GPBP1L1: variants seen among roughly 807,000 people sequenced by gnomAD.
GPBP1L1 encodes the protein vasculin-like protein 1.
A neutral mutation model predicts 52.5 loss-of-function variants in GPBP1L1; 23 were observed. The observed-to-expected ratio is 0.44, with a 90% CI of 0.32 to 0.62. The LOEUF (loss-of-function observed/expected upper bound fraction) is 0.62, where lower values mean the gene tolerates loss of function less well. GPBP1L1 is among the 20% of genes least tolerant of loss of function. GPBP1L1 has a pLI of 0.06. For missense variants in GPBP1L1, 596 were observed against 579.3 expected (o/e 1.03, Z -0.30); for synonymous variants, 243 against 203.1 (o/e 1.20, Z -1.67).
chr1:45,663,613 T>TG (rs1483686585), intron 2 of GPBP1L1, among the ~76,000 whole-genome samples: 1 of 152,110 alleles, frequency 6.6e-6, no homozygotes, highest in Non-Finnish European at 1.5e-5. Flanking sequence ...TGAGAGGAGA[T>TG]GCGCCATAAG....
chr1:45,662,976 G>A (rs1322030328), intron 2 of GPBP1L1, among the ~76,000 whole-genome samples: 9 of 149,876 alleles, frequency 6.0e-5, no homozygotes, highest in African/African-American at 2.0e-4. Context: ...ACTTGAATCC[G>A]GGAGGCGGAG....
chr1:45,633,725 T>G, intron 9 of GPBP1L1, 78 bp from the exon 10 acceptor site: 2 of 1,408,780 alleles, frequency 1.4e-6, no homozygotes, highest in Non-Finnish European at 9.7e-7. Flanking sequence ...AGTGCTGACT[T>G]CAAGAATCTG....
chr1:45,641,774 C>T (rs1220523789), intron 7 of GPBP1L1: 2 of 148,232 alleles, frequency 1.3e-5, no homozygotes, highest in Admixed American at 6.8e-5. Context: ...TGAGATCTCG[C>T]CACCGCACTC....
intron 2 of GPBP1L1, among the ~76,000 whole-genome samples, chr1:45,671,036 C>T (rs1271707976): frequency 5.9e-5 from 9 of 151,898 alleles, no homozygotes; most frequent in Non-Finnish European, 1.0e-4. Flanking sequence ...TCAAGTGATC[C>T]GCCCGCCTCA....
At chr1:45,668,304 G>C (rs1338831571) in intron 2 of GPBP1L1, among the ~76,000 whole-genome samples, 1 of 152,192 alleles carries the variant, frequency 6.6e-6, no homozygotes. Flanking sequence ...TCAAAATTCT[G>C]TAGGAATATT....
chr1:45,633,475 G>T lies in GPBP1L1; in HGVS notation c.1044+14C>A, dbSNP rs768852006. On this transcript the variant is annotated intron_variant, in intron 10 of 12. Transcript: ENST00000355105. Reference sequence around the variant, plus strand: ...AATTCCTAGGCTACCCCCAGAAAAGGCGGATGCTCTTACATCTTCCAGCTT... The same window carrying T: ...AATTCCTAGGCTACCCCCAGAAAAGTCGGATGCTCTTACATCTTCCAGCTT... The T allele has an allele frequency of 6.2e-7, 1 of 1,611,916 alleles. No individual in the cohort carries two copies. The highest frequency in any genetic ancestry group is 8.5e-7 in the Non-Finnish European group (1 of 1,179,042).
At chr1:45,650,078 C>T (rs1240100330) in intron 6 of GPBP1L1, among the ~76,000 whole-genome samples, 1 of 152,004 alleles carries the variant, frequency 6.6e-6, no homozygotes, top group East Asian at 1.9e-4. Flanking sequence ...TAATATTGCT[C>T]CCAATATTAA....
At chr1:45,659,265 G>C (rs1456953464) in intron 3 of GPBP1L1, 123 bp from the exon 4 acceptor site, 1 of 604,202 alleles carries the variant, frequency 1.7e-6, no homozygotes, top group East Asian at 2.9e-5. Flanking sequence ...CCTGTCTACA[G>C]ATTACTTACC....
At chr1:45,682,980 C>T (rs1172475162) in intron 2 of GPBP1L1, among the ~76,000 whole-genome samples, 2 of 151,980 alleles carry the variant, frequency 1.3e-5, no homozygotes, top group Non-Finnish European at 2.9e-5. Flanking sequence ...GCAACTACAG[C>T]CACTTAGGGG....
intron 6 of GPBP1L1, chr1:45,646,078 T>C: frequency 2.1e-6 from 1 of 468,624 alleles, no homozygotes; most frequent in South Asian, 1.6e-5. Flanking sequence ...TGCTTCATCA[T>C]CACAGCTAGA....
chr1:45,644,561 T>A (rs1265404234), intron 6 of GPBP1L1, among the ~76,000 whole-genome samples: 1 of 152,182 alleles, frequency 6.6e-6, no homozygotes, highest in South Asian at 2.1e-4. Context: ...CACTGCATTT[T>A]TTTTTTTTAC....
intron 4 of GPBP1L1, 113 bp downstream of exon 4, chr1:45,658,915 C>G (rs962055276): frequency 1.3e-6 from 1 of 759,616 alleles, no homozygotes; most frequent in Admixed American, 1.9e-5. Context: ...GCACTTCATC[C>G]TGGGTGACAG....
At chr1:45,646,454 T>C (rs1443482723) in intron 6 of GPBP1L1, among the ~76,000 whole-genome samples, 2 of 152,254 alleles carry the variant, frequency 1.3e-5, no homozygotes, top group African/African-American at 4.8e-5. Context: ...TGTTCAAGTC[T>C]AGTATTTTGT....
At position 45,660,515 on chromosome 1, in the gene GPBP1L1, T is replaced by C. The variant is rs530110218; in HGVS notation, c.-387A>G. ...CACCTCATTCAACTTCCTTGAGTTA[T>C]GGCACTATGATGTTGCTTAATTAGG... On this transcript the variant is annotated 5_prime_UTR_variant, in exon 3 of 13. Transcript: ENST00000355105. 2.0e-6 allele frequency: 2 copies of C among 984,232 alleles called. No homozygotes were observed. Among genetic ancestry groups the C allele is most frequent in the South Asian group, 4.7e-5 (1 of 21,274 alleles). The allele number at this position is 984,232 out of a possible 1,614,324, so 61.0% of individuals were successfully genotyped here. A position where few individuals can be genotyped will look rare whatever the true frequency, so the allele number is the denominator to read the frequency against.
At chr1:45,667,494 C>A (rs1050983027) in intron 2 of GPBP1L1, among the ~76,000 whole-genome samples, 2 of 152,134 alleles carry the variant, frequency 1.3e-5, no homozygotes, top group Non-Finnish European at 2.9e-5. Flanking sequence ...TAGGAGAGCA[C>A]CTCCCCGGCC....
At chr1:45,686,735 T>G (rs1024651048), upstream of GPBP1L1, 1 of 152,106 alleles carries the variant, frequency 6.6e-6, no homozygotes, top group African/African-American at 2.4e-5. Context: ...GGTTATGCCC[T>G]GCCCCGCCCC....
chr1:45,635,992 C>T (rs1420602801), intron 8 of GPBP1L1, among the ~76,000 whole-genome samples: 2 of 152,098 alleles, frequency 1.3e-5, no homozygotes, highest in Admixed American at 6.6e-5. Flanking sequence ...TTCTTATTGC[C>T]AAACTTCTGA....
chr1:45,661,841 A>G (rs1339432074), intron 2 of GPBP1L1, among the ~76,000 whole-genome samples: 3 of 152,164 alleles, frequency 2.0e-5, no homozygotes, highest in Non-Finnish European at 2.9e-5. Context: ...GTATTCAGAA[A>G]TGCAAAATAA....
chr1:45,637,533 C>CTTTTTTTTTTTTTTTTTTTTTTTT (rs1557696848), intron 8 of GPBP1L1, among the ~76,000 whole-genome samples: 4 of 151,934 alleles, frequency 2.6e-5, no homozygotes, highest in East Asian at 1.9e-4. Context: ...GAGCAGCAGC[C>CTTTTTTTTTTTTTTTTTTTTTTTT]TTTATATTAG....
Sources: gnomAD v4.1 joint callset for allele counts (sites outside exome capture counted in the v4.1 genomes callset) on GRCh38, gnomAD v4.1.1 for gene constraint, MANE v1.5 for transcripts, NCBI Gene and HGNC (gene_info 2026-07-23, HGNC 2026-07-21) for gene names.